Variants in KCNK2 observed in about 807,000 individuals in gnomAD.
KCNK2 encodes potassium channel subfamily K member 2.
KCNK2 carries 21 observed loss-of-function variants against 40.5 expected under a neutral mutation model. The observed-to-expected ratio is 0.52, with a 90% CI of 0.37 to 0.75. KCNK2 has a LOEUF of 0.75. KCNK2 is among the 30% of genes least tolerant of loss of function. The probability of loss-of-function intolerance (pLI) is 0.00; values close to 1 mark genes in which losing one functional copy is unlikely to be tolerated. For missense variants in KCNK2, 399 were observed against 531.6 expected (o/e 0.75, Z 2.45); for synonymous variants, 191 against 202.2 (o/e 0.94, Z 0.47).
chr1:215,214,870 T>A (rs762843429), intron 6 of KCNK2, among the ~76,000 whole-genome samples: 2 of 151,952 alleles, frequency 1.3e-5, no homozygotes, highest in Non-Finnish European at 2.9e-5. Context: ...AAAAAAATCA[T>A]GTCTATATGG....
intron 5 of KCNK2, among the ~76,000 whole-genome samples, chr1:215,193,250 T>C (rs1004072080): frequency 2.0e-5 from 3 of 152,136 alleles, no homozygotes; most frequent in African/African-American, 7.2e-5. Context: ...TACTTGCAAT[T>C]TACTGGCTGA....
chr1:215,024,573 T>C (rs1366883824), intron 1 of KCNK2, among the ~76,000 whole-genome samples: 5 of 152,206 alleles, frequency 3.3e-5, no homozygotes, highest in Admixed American at 3.3e-4. Context: ...TTTTTTTTCA[T>C]GTAATTGTTC....
intron 1 of KCNK2, among the ~76,000 whole-genome samples, chr1:215,061,738 A>C (rs1658368472): frequency 6.6e-6 from 1 of 152,140 alleles, no homozygotes; most frequent in Non-Finnish European, 1.5e-5. Context: ...ACAGATTTAA[A>C]AGGGAAGTAC....
At chr1:215,025,276 A>G (rs1256401127) in intron 1 of KCNK2, among the ~76,000 whole-genome samples, 2 of 152,192 alleles carry the variant, frequency 1.3e-5, no homozygotes, top group Non-Finnish European at 2.9e-5. Context: ...AGCACACTCA[A>G]TAAAGGTGCT....
At chr1:215,079,036 A>G (rs183934998), upstream of KCNK2, among the ~76,000 whole-genome samples, 307 of 152,342 alleles carry the variant, frequency 2.0e-3, 6 homozygotes, top group Admixed American at 0.018. Context: ...TCATGCTGCT[A>G]GTTGGAGCAG....
At chr1:215,135,454 A>T (rs1661863364) in intron 3 of KCNK2, among the ~76,000 whole-genome samples, 1 of 152,016 alleles carries the variant, frequency 6.6e-6, no homozygotes, top group African/African-American at 2.4e-5. Flanking sequence ...AATTTTTATT[A>T]TTTTATTATT....
At chr1:215,125,735 AATAAATATATATAT>A (rs1430040778) in intron 3 of KCNK2, among the ~76,000 whole-genome samples, 1 of 114,504 alleles carries the variant, frequency 8.7e-6, no homozygotes, top group Non-Finnish European at 1.7e-5. Flanking sequence ...CTTGAAGTAT[AATAAATATATATAT>A]ATATATATAT....
At chr1:215,174,743 G>A (rs531812568) in intron 5 of KCNK2, among the ~76,000 whole-genome samples, 66 of 152,194 alleles carry the variant, frequency 4.3e-4, no homozygotes, top group Admixed American at 2.9e-3. Context: ...ATTGTGAATG[G>A]GAGTTCACTC....
At chr1:215,201,935 C>T (rs967996872) in intron 6 of KCNK2, among the ~76,000 whole-genome samples, 1 of 152,082 alleles carries the variant, frequency 6.6e-6, no homozygotes, top group Non-Finnish European at 1.5e-5. Flanking sequence ...ATATATCAGA[C>T]TTTGTAATTA....
chr1:215,075,073 G>A (rs886425791), intron 1 of KCNK2, among the ~76,000 whole-genome samples: 6 of 152,074 alleles, frequency 3.9e-5, no homozygotes, highest in Non-Finnish European at 7.4e-5. Flanking sequence ...ACTGGTTAAA[G>A]CACTAATCTT....
intron 6 of KCNK2, among the ~76,000 whole-genome samples, chr1:215,229,427 G>T (rs1666526203): frequency 6.6e-6 from 1 of 152,052 alleles, no homozygotes; most frequent in African/African-American, 2.4e-5. Flanking sequence ...ACTTTAGGAG[G>T]CTAAGGCAGG....
intron 3 of KCNK2, among the ~76,000 whole-genome samples, chr1:215,130,258 G>A (rs1326616629): frequency 1.2e-4 from 19 of 152,214 alleles, no homozygotes; most frequent in Admixed American, 1.2e-3. Context: ...AGTTCAGAGA[G>A]CTTCTGGGTT....
chr1:215,056,752 A>G (rs1399679641), intron 1 of KCNK2, among the ~76,000 whole-genome samples: 2 of 151,656 alleles, frequency 1.3e-5, no homozygotes, highest in African/African-American at 4.8e-5. Context: ...CATCACATCC[A>G]GTCATCCACT....
intron 1 of KCNK2, among the ~76,000 whole-genome samples, chr1:215,019,389 T>C (rs2102476704): frequency 6.6e-6 from 1 of 152,252 alleles, no homozygotes; most frequent in Non-Finnish European, 1.5e-5. Context: ...TAAAAAGGAG[T>C]TATTCTCCCC....
chr1:215,205,297 G>A (rs1454129318), intron 6 of KCNK2, among the ~76,000 whole-genome samples: 2 of 152,070 alleles, frequency 1.3e-5, no homozygotes, highest in Non-Finnish European at 2.9e-5. Context: ...GAGTGCAGTG[G>A]CATGATCTCG....
intron 1 of KCNK2, among the ~76,000 whole-genome samples, chr1:215,008,006 G>A (rs942264300): frequency 1.3e-5 from 2 of 151,954 alleles, no homozygotes; most frequent in African/African-American, 4.8e-5. Flanking sequence ...TTAGGAAGTT[G>A]GTTGATAACC....
chr1:215,144,125 G>GT (rs1404092348), intron 3 of KCNK2, among the ~76,000 whole-genome samples: 1 of 152,092 alleles, frequency 6.6e-6, no homozygotes, highest in Non-Finnish European at 1.5e-5. Context: ...TGAGGGTACA[G>GT]TTTTTAAAAA....
rs937475821 is a variant in KCNK2, at chr1:215,235,934, T to G, written c.*789T>G. Reference sequence around the variant, plus strand: ...CAGTGGTACATATATACAGTGTAATTATGACCAGGCTGGTAAAATTGGCTG... The same window carrying G: ...CAGTGGTACATATATACAGTGTAATGATGACCAGGCTGGTAAAATTGGCTG... On this transcript the variant is annotated 3_prime_UTR_variant, in exon 7 of 7. Coordinates refer to ENST00000444842, the MANE Select transcript of KCNK2 (RefSeq NM_001017425.3). 2.0e-5 allele frequency: 3 copies of G among 152,582 alleles called. No homozygotes were observed. The highest frequency in any genetic ancestry group is 7.2e-5 in the African/African-American group (3 of 41,424). The allele number at this position is 152,582 out of a possible 1,614,324, so 9.5% of individuals were successfully genotyped here. A position where few individuals can be genotyped will look rare whatever the true frequency, so the allele number is the denominator to read the frequency against.
At chr1:215,102,673 A>C (rs972895648) in intron 2 of KCNK2, among the ~76,000 whole-genome samples, 2 of 151,484 alleles carry the variant, frequency 1.3e-5, no homozygotes, top group African/African-American at 2.4e-5. Flanking sequence ...AGTCCTGCAA[A>C]CTCCATTCAT....
Sources: allele counts gnomAD v4.1 joint callset (sites outside exome capture counted in the v4.1 genomes callset), GRCh38; gene constraint gnomAD v4.1.1; transcripts MANE v1.5; gene names NCBI Gene and HGNC (gene_info 2026-07-23, HGNC 2026-07-21).